The following DPP6 variants were observed in gnomAD, a reference collection of about 807,000 sequenced individuals.
DPP6 encodes the protein A-type potassium channel modulatory protein DPP6.
DPP6 carries 69 observed loss-of-function variants against 122.6 expected under a neutral mutation model. That is an observed-to-expected ratio of 0.56 (90% CI 0.46 to 0.69). DPP6 has a LOEUF of 0.69. DPP6 is among the 30% of genes least tolerant of loss of function. The probability of loss-of-function intolerance (pLI) is 0.00; values close to 1 mark genes in which losing one functional copy is unlikely to be tolerated. For synonymous variants in DPP6, 418 were observed against 433.1 expected, an observed-to-expected ratio of 0.97 and a Z score of 0.43; for missense variants, 928 against 1,116.9, an observed-to-expected ratio of 0.83 and a Z score of 2.41.
At chr7:153,896,028 G>A (rs1799400231) in intron 1 of DPP6, among the ~76,000 whole-genome samples, 1 of 152,256 alleles carries the variant, frequency 6.6e-6, no homozygotes, top group Non-Finnish European at 1.5e-5. Context: ...AATTGGATGG[G>A]ATGGGACTGC....
At chr7:154,421,616 G>A (rs113581496) in intron 1 of DPP6, among the ~76,000 whole-genome samples, 3,182 of 152,016 alleles carry the variant, frequency 0.021, 46 homozygotes, top group South Asian at 0.034. Context: ...GAGCCACTGC[G>A]CCTGGCCTTT....
intron 7 of DPP6, among the ~76,000 whole-genome samples, chr7:154,697,063 C>T (rs1840260201): frequency 6.6e-6 from 1 of 152,140 alleles, no homozygotes; most frequent in African/African-American, 2.4e-5. Flanking sequence ...CATGTACTTC[C>T]AGAATGGTAG....
chr7:153,930,014 A>C (rs756317555), intron 1 of DPP6, among the ~76,000 whole-genome samples: 2 of 152,200 alleles, frequency 1.3e-5, no homozygotes, highest in Non-Finnish European at 2.9e-5. Flanking sequence ...TTATTCATTC[A>C]TCAGTGAGTC....
chr7:153,992,032 C>A (rs1797199975), intron 1 of DPP6, among the ~76,000 whole-genome samples: 1 of 152,146 alleles, frequency 6.6e-6, no homozygotes, highest in Non-Finnish European at 1.5e-5. Flanking sequence ...AGAGAACGAA[C>A]CTTCTCCTGC....
At chr7:154,578,101 T>C (rs889549159) in intron 5 of DPP6, among the ~76,000 whole-genome samples, 11 of 152,220 alleles carry the variant, frequency 7.2e-5, no homozygotes, top group Non-Finnish European at 1.5e-4. Context: ...CATTGCCCTT[T>C]TAGCACAGGG....
intron 7 of DPP6, among the ~76,000 whole-genome samples, chr7:154,681,589 G>C (rs1340488812): frequency 6.6e-6 from 1 of 152,176 alleles, no homozygotes; most frequent in Admixed American, 6.5e-5. Context: ...CGGTCGCCTC[G>C]GGTAGGGCGG....
At chr7:153,797,116 G>A in the DPP6 span, among the ~76,000 whole-genome samples, 9 of 152,134 alleles carry the variant, frequency 5.9e-5, no homozygotes, top group Non-Finnish European at 1.0e-4. Flanking sequence ...CTTGAAAGTG[G>A]ATCATTCCCA....
intron 1 of DPP6, among the ~76,000 whole-genome samples, chr7:154,117,738 A>C (rs143490853): frequency 2.1e-3 from 314 of 151,678 alleles, no homozygotes; most frequent in African/African-American, 7.3e-3. Context: ...GCTAAATCTG[A>C]TGTGCCCAGT....
chr7:154,110,474 A>G (rs1806493459), intron 1 of DPP6, among the ~76,000 whole-genome samples: 1 of 152,202 alleles, frequency 6.6e-6, no homozygotes, highest in African/African-American at 2.4e-5. Flanking sequence ...ATATACAATA[A>G]CAGCCAGAGT....
intron 1 of DPP6, among the ~76,000 whole-genome samples, chr7:154,442,349 A>G (rs193170614): frequency 4.6e-5 from 7 of 152,348 alleles, no homozygotes; most frequent in Non-Finnish European, 8.8e-5. Context: ...ACAGTGTTAC[A>G]GAAAGGCACT....
chr7:154,077,594 A>G (rs1803650854), intron 1 of DPP6, among the ~76,000 whole-genome samples: 1 of 151,990 alleles, frequency 6.6e-6, no homozygotes, highest in Non-Finnish European at 1.5e-5. Context: ...AACTCTCCTC[A>G]TTTCAAAAAT....
chr7:154,330,301 C>G (rs1263345314), intron 1 of DPP6, among the ~76,000 whole-genome samples: 1 of 152,146 alleles, frequency 6.6e-6, no homozygotes, highest in African/African-American at 2.4e-5. Context: ...GCTTTCATGT[C>G]AGTTTCAGAC....
At chr7:154,557,509 G>C (rs1372872171) in intron 4 of DPP6, among the ~76,000 whole-genome samples, 2 of 152,050 alleles carry the variant, frequency 1.3e-5, no homozygotes, top group Non-Finnish European at 2.9e-5. Context: ...TTATAACCCA[G>C]TCACCGTTAG....
At chr7:154,368,467 T>G (rs954541335) in intron 1 of DPP6, among the ~76,000 whole-genome samples, 2 of 152,228 alleles carry the variant, frequency 1.3e-5, no homozygotes, top group Non-Finnish European at 2.9e-5. Context: ...GCTTTGAGAA[T>G]GTTCTCTGGC....
At chr7:154,389,943 A>C (rs1213011342) in intron 1 of DPP6, among the ~76,000 whole-genome samples, 1 of 152,234 alleles carries the variant, frequency 6.6e-6, no homozygotes, top group East Asian at 1.9e-4. Context: ...CTGTTACTAC[A>C]AATATGCGGG....
intron 1 of DPP6, among the ~76,000 whole-genome samples, chr7:154,283,653 C>T (rs1244733949): frequency 1.9e-4 from 29 of 152,204 alleles, no homozygotes; most frequent in Admixed American, 1.8e-3. Context: ...AACAAGGAGT[C>T]GTCCTATGTA....
At chr7:154,331,028 A>T (rs773067266) in intron 1 of DPP6, among the ~76,000 whole-genome samples, 2 of 152,108 alleles carry the variant, frequency 1.3e-5, no homozygotes, top group Non-Finnish European at 2.9e-5. Flanking sequence ...GCACCTCAAG[A>T]TCCTCCCAGT....
chr7:154,512,880 A>G (rs1245134558), intron 3 of DPP6, among the ~76,000 whole-genome samples: 1 of 152,190 alleles, frequency 6.6e-6, no homozygotes, highest in Non-Finnish European at 1.5e-5. Flanking sequence ...ACTCAAGGGG[A>G]CATACTCTAG....
intron 1 of DPP6, among the ~76,000 whole-genome samples, chr7:153,988,403 T>C (rs1434224382): frequency 1.3e-5 from 2 of 152,016 alleles, no homozygotes; most frequent in African/African-American, 2.4e-5. Context: ...GCTGTGCTGG[T>C]AAGGTGTGGT....
Sources: allele counts gnomAD v4.1 joint callset (sites outside exome capture counted in the v4.1 genomes callset), GRCh38; gene constraint gnomAD v4.1.1; transcripts MANE v1.5; gene names NCBI Gene and HGNC (gene_info 2026-07-23, HGNC 2026-07-21).